PLEKHG5: variants seen among roughly 807,000 people sequenced by gnomAD.
The protein encoded by PLEKHG5 is pleckstrin homology domain-containing family G member 5.
In PLEKHG5, 52 loss-of-function variants were observed where a neutral mutation model predicts 103.8. That is an observed-to-expected ratio of 0.50 (90% CI 0.40 to 0.63). The LOEUF (loss-of-function observed/expected upper bound fraction) is 0.63, where lower values mean the gene tolerates loss of function less well. Ranked by LOEUF, PLEKHG5 falls within the 30% of genes least tolerant of loss-of-function variation. PLEKHG5 has a pLI of 0.00. For missense variants in PLEKHG5, 1,205 were observed against 1,347.6 expected (o/e 0.89, Z 1.66); for synonymous variants, 592 against 575.5 (o/e 1.03, Z -0.41).
chr1:6,498,488 G>C (rs923913120), upstream of PLEKHG5, among the ~76,000 whole-genome samples: 16 of 152,352 alleles, frequency 1.1e-4, no homozygotes, highest in African/African-American at 3.6e-4. Context: ...ACACACTAAA[G>C]ATCCTCTGAG....
upstream of PLEKHG5, among the ~76,000 whole-genome samples, chr1:6,493,289 C>T (rs1645177891): frequency 6.6e-6 from 1 of 152,232 alleles, no homozygotes; most frequent in African/African-American, 2.4e-5. Context: ...TCCAGGAGGG[C>T]ATCCCCTTTG....
chr1:6,472,906 G>A, intron 9 of PLEKHG5, 80 bp downstream of exon 9: 1 of 1,371,712 alleles, frequency 7.3e-7, no homozygotes, highest in Non-Finnish European at 1.0e-6. Flanking sequence ...GCGTCCCATG[G>A]AACATCTGAT....
chr1:6,471,362 G>C (rs1569858445), intron 12 of PLEKHG5, 126 bp downstream of exon 12: 2 of 1,123,638 alleles, frequency 1.8e-6, no homozygotes, highest in East Asian at 5.1e-5. Context: ...TGGCCACAAG[G>C]GGTCAAGTGC....
At chr1:6,516,872 A>ATGTG (rs1557774821) in intron 1 of PLEKHG5, among the ~76,000 whole-genome samples, 1 of 28,998 alleles carries the variant, frequency 3.4e-5, no homozygotes, top group East Asian at 1.6e-3. Flanking sequence ...ATGTGTATAT[A>ATGTG]TATATATATA....
At chr1:6,478,754 C>T (rs538815371) in intron 1 of PLEKHG5, among the ~76,000 whole-genome samples, 1 of 152,212 alleles carries the variant, frequency 6.6e-6, no homozygotes, top group East Asian at 1.9e-4. Flanking sequence ...AGTGATTCTC[C>T]TGCCTCAGCC....
At chr1:6,484,471 C>A (rs918917143) in intron 1 of PLEKHG5, among the ~76,000 whole-genome samples, 1 of 152,230 alleles carries the variant, frequency 6.6e-6, no homozygotes, top group Non-Finnish European at 1.5e-5. Flanking sequence ...ATCTGGTTGA[C>A]GATGAAGTTC....
At chr1:6,483,138 T>C (rs1285580441) in intron 1 of PLEKHG5, among the ~76,000 whole-genome samples, 3 of 152,174 alleles carry the variant, frequency 2.0e-5, no homozygotes, top group Non-Finnish European at 2.9e-5. Context: ...GCCCTGTTGG[T>C]TCTTGTGTCC....
intron 1 of PLEKHG5, among the ~76,000 whole-genome samples, chr1:6,514,459 A>C (rs1038655199): frequency 2.0e-5 from 3 of 151,348 alleles, no homozygotes; most frequent in African/African-American, 7.3e-5. Flanking sequence ...GCCTCAAAAA[A>C]AAAAAGAAAA....
chr1:6,495,221 G>A (rs1394076436), upstream of PLEKHG5, among the ~76,000 whole-genome samples: 1 of 152,342 alleles, frequency 6.6e-6, no homozygotes, highest in Admixed American at 6.5e-5. Flanking sequence ...GAGGCAACCA[G>A]CCAACACCAG....
chr1:6,486,773 T>C lies in PLEKHG5; in HGVS notation c.-88+4864A>G, dbSNP rs1645048023. On this transcript the variant is annotated intron_variant, in intron 1 of 20. Coordinates refer to ENST00000377728, the MANE Select transcript of PLEKHG5 (RefSeq NM_020631.6). This position sits in a 1 kb window ranked among gnomAD's most constrained non-coding sequence, Gnocchi z 5.3. ...GCAGGGCAGGCACCATTAGCCCCATTCACGGCGTGGGGGATAAAGTGACAT... is the reference window on the plus strand; with the variant it reads ...GCAGGGCAGGCACCATTAGCCCCATCCACGGCGTGGGGGATAAAGTGACAT... Among the ~76,000 whole-genome samples, 1 of 152,194 alleles carries C rather than the reference T, an allele frequency of 6.6e-6. No homozygotes were observed. Among genetic ancestry groups the C allele is most frequent in the Admixed American group, 6.5e-5 (1 of 15,278 alleles).
intron 1 of PLEKHG5, among the ~76,000 whole-genome samples, chr1:6,512,238 G>A (rs1570006184): frequency 1.3e-5 from 2 of 152,312 alleles, no homozygotes; most frequent in East Asian, 3.9e-4. Flanking sequence ...CTCCTTCACA[G>A]CCGAGATATT....
chr1:6,472,643 G>A (rs1450193710), intron 9 of PLEKHG5, 21 bp from the exon 10 acceptor site: 2 of 1,579,806 alleles, frequency 1.3e-6, no homozygotes, highest in African/African-American at 1.3e-5. Context: ...GGCAGGATGG[G>A]TCATTCACGA....
At chr1:6,498,584 T>G (rs1167029762), upstream of PLEKHG5, among the ~76,000 whole-genome samples, 1 of 152,170 alleles carries the variant, frequency 6.6e-6, no homozygotes, top group Non-Finnish European at 1.5e-5. Context: ...GGGGGCCTGG[T>G]GGGCAGGGTA....
chr1:6,471,308 G>T, intron 12 of PLEKHG5, 180 bp downstream of exon 12: 1 of 803,500 alleles, frequency 1.2e-6, no homozygotes, highest in Non-Finnish European at 2.0e-6. Context: ...AGATGGTCAG[G>T]TGGAGGCTCA....
chr1:6,494,156 G>A (rs540908751), upstream of PLEKHG5, among the ~76,000 whole-genome samples: 1 of 115,354 alleles, frequency 8.7e-6, no homozygotes, highest in South Asian at 2.7e-4. Flanking sequence ...TTTAGACGGA[G>A]TCTTGCTCTT....
chr1:6,506,424 C>A (rs1557770402), intron 1 of PLEKHG5, among the ~76,000 whole-genome samples: 1 of 152,226 alleles, frequency 6.6e-6, no homozygotes, highest in African/African-American at 2.4e-5. Context: ...CCTTCCCGGC[C>A]CCCTCGGAGC....
intron 1 of PLEKHG5, among the ~76,000 whole-genome samples, chr1:6,504,771 G>A (rs535883445): frequency 3.3e-5 from 5 of 152,174 alleles, no homozygotes; most frequent in African/African-American, 7.2e-5. Context: ...GGGTTTCACC[G>A]TGTTAGTCAG....
chr1:6,468,629 G>A, intron 19 of PLEKHG5, 43 bp from the exon 20 acceptor site: 1 of 1,607,288 alleles, frequency 6.2e-7, no homozygotes, highest in Non-Finnish European at 8.5e-7. Flanking sequence ...ATGAAACCTA[G>A]ATGGCCTGAG....
intron 1 of PLEKHG5, among the ~76,000 whole-genome samples, chr1:6,480,555 G>C (rs1237219357): frequency 3.3e-5 from 5 of 151,676 alleles, no homozygotes; most frequent in Non-Finnish European, 5.9e-5. Context: ...GCCAGGCATG[G>C]TGATGTGAGC....
Sources: gnomAD v4.1 joint callset for allele counts (sites outside exome capture counted in the v4.1 genomes callset) on GRCh38, gnomAD v4.1.1 for gene constraint, Gnocchi (gnomAD v3.1) non-coding constraint, MANE v1.5 for transcripts, NCBI Gene and HGNC (gene_info 2026-07-23, HGNC 2026-07-21) for gene names.